CREBBP: variants seen among roughly 807,000 people sequenced by gnomAD.
CREBBP encodes CREB binding lysine acetyltransferase, also known as CREB-binding protein.
A neutral mutation model predicts 265.0 loss-of-function variants in CREBBP; 19 were observed. The observed-to-expected ratio is 0.07, with a 90% CI of 0.05 to 0.11. The LOEUF (loss-of-function observed/expected upper bound fraction) is 0.11, where lower values mean the gene tolerates loss of function less well. Among genes scored for constraint, CREBBP ranks in the 10% least tolerant of loss-of-function variants. The probability of loss-of-function intolerance (pLI) is 1.00; values close to 1 mark genes in which losing one functional copy is unlikely to be tolerated. For synonymous variants in CREBBP, 1,457 were observed against 1,223.7 expected (o/e 1.19, Z -3.98); for missense variants, 2,525 against 3,219.0 (o/e 0.78, Z 5.22).
chr16:3,768,168 T>TTTTC (rs2052910821), intron 15 of CREBBP, among the ~76,000 whole-genome samples: 1 of 136,738 alleles, frequency 7.3e-6, no homozygotes, highest in East Asian at 2.2e-4. Context: ...TTTTTTTTTT[T>TTTTC]TGAGACAGAG....
intron 16 of CREBBP, chr16:3,767,482 C>A: frequency 1.7e-6 from 1 of 599,918 alleles, no homozygotes; most frequent in Non-Finnish European, 2.9e-6. Context: ...GCTCTGCAGC[C>A]TGGGTGCCCT....
intron 3 of CREBBP, among the ~76,000 whole-genome samples, chr16:3,799,616 C>G (rs2053673679): frequency 6.6e-6 from 1 of 152,182 alleles, no homozygotes; most frequent in Non-Finnish European, 1.5e-5. Context: ...AAAGATAATG[C>G]ATCACATTCT....
At chr16:3,840,136 C>A (rs2054538499) in intron 2 of CREBBP, among the ~76,000 whole-genome samples, 1 of 152,076 alleles carries the variant, frequency 6.6e-6, no homozygotes, top group East Asian at 1.9e-4. Flanking sequence ...TTTTAAGAGG[C>A]CAAATTAAGA....
chr16:3,839,455 C>A (rs1043784616), intron 2 of CREBBP, among the ~76,000 whole-genome samples: 2 of 151,770 alleles, frequency 1.3e-5, no homozygotes, highest in Non-Finnish European at 2.9e-5. Context: ...CTGAGGCAGG[C>A]GGATCACCTG....
intron 16 of CREBBP, among the ~76,000 whole-genome samples, chr16:3,762,239 C>T (rs985658740): frequency 2.0e-5 from 3 of 152,212 alleles, no homozygotes; most frequent in African/African-American, 7.2e-5. Flanking sequence ...CCTGCAGACC[C>T]TGTCACCGCC....
At chr16:3,805,139 T>C (rs2053802899) in intron 3 of CREBBP, among the ~76,000 whole-genome samples, 1 of 152,232 alleles carries the variant, frequency 6.6e-6, no homozygotes, top group East Asian at 1.9e-4. Flanking sequence ...TTAGCGGCAT[T>C]TGAAGGCCCT....
At chr16:3,748,585 G>C (rs1023864207) in intron 21 of CREBBP, among the ~76,000 whole-genome samples, 1 of 152,242 alleles carries the variant, frequency 6.6e-6, no homozygotes, top group African/African-American at 2.4e-5. Flanking sequence ...CTTCCCTGGA[G>C]AGGGTCAGGA....
At chr16:3,771,737 TG>T (rs973050260) in intron 13 of CREBBP, among the ~76,000 whole-genome samples, 13 of 151,112 alleles carry the variant, frequency 8.6e-5, no homozygotes, top group African/African-American at 2.9e-4. Context: ...TTCACATCCC[TG>T]GGGGCACAGA....
At chr16:3,732,017 G>A in intron 28 of CREBBP, 80 bp from the exon 29 acceptor site, 1 of 1,610,572 alleles carries the variant, frequency 6.2e-7, no homozygotes, top group Non-Finnish European at 8.5e-7. Context: ...CAGGCCGTGG[G>A]CATCAGGAAG....
At chr16:3,795,878 C>T (rs1339371985) in intron 3 of CREBBP, among the ~76,000 whole-genome samples, 9 of 152,172 alleles carry the variant, frequency 5.9e-5, no homozygotes, top group Admixed American at 5.2e-4. Context: ...ATCATCCTTA[C>T]ACCTAAGAAA....
intron 2 of CREBBP, chr16:3,840,428 G>C (rs2054543861): frequency 6.6e-6 from 1 of 152,414 alleles, no homozygotes; most frequent in Non-Finnish European, 1.5e-5. Context: ...GGGTTTTCAG[G>C]CTCTTTCTGG....
At chr16:3,869,571 C>G (rs2055250226) in intron 1 of CREBBP, among the ~76,000 whole-genome samples, 1 of 152,194 alleles carries the variant, frequency 6.6e-6, no homozygotes, top group African/African-American at 2.4e-5. Context: ...TAGTGACTAA[C>G]TACATGTGGC....
chr16:3,854,397 A>T (rs566164110), intron 1 of CREBBP, among the ~76,000 whole-genome samples: 1 of 152,310 alleles, frequency 6.6e-6, no homozygotes, highest in South Asian at 2.1e-4. Flanking sequence ...CCAAAAACAT[A>T]AACACCTGGG....
rs776898396 is a variant in CREBBP, at chr16:3,774,671, C to T, written c.2181G>A (p.Met727Ile). 4.3e-6 allele frequency: 7 copies of T among 1,614,156 alleles called. 1 individual carries two copies. In the South Asian group the frequency reaches 7.7e-5, roughly 18 times the overall value. Residue 727 changes from methionine (M) to isoleucine (I), a missense_variant, in exon 12 of 31, where the codon ATG (methionine) becomes ATA (isoleucine). By Grantham distance (10) the Met-to-Ile change is conservative (BLOSUM62 1). Transcript: ENST00000262367. The part of the protein sequence containing the change: ...VSQGMNSFNP[M>I]SLGNVQLPQA... The stretch of plus-strand genomic sequence containing the variant: ...GTGGCAACTGGACGTTCCCCAAGGA[C>T]ATGGGGTTAAATGAATTCATCCCTG...
At position 3,725,138 on chromosome 16, in the gene CREBBP, T is replaced by C. The variant is rs1288624672; in HGVS notation, c.*2580A>G. The stretch of plus-strand genomic sequence containing the variant: ...TCTTTTTGATCACAAATATAGGACT[T>C]TTTCTTCTCCTCTTAAGTATACAGC... On this transcript the variant is annotated 3_prime_UTR_variant, in exon 31 of 31. Coordinates refer to ENST00000262367, the MANE Select transcript of CREBBP (RefSeq NM_004380.3). The C allele has an allele frequency of 4.7e-5, 11 of 233,428 alleles. No homozygotes were observed. The East Asian group carries it at 6.6e-4, about 14-fold the overall frequency. 14.5% of individuals were successfully genotyped at this position (233,428 alleles called of 1,614,324 possible). A position where few individuals can be genotyped will look rare whatever the true frequency, so the allele number is the denominator to read the frequency against.
In CREBBP at chr16:3,850,359, C is replaced by G. The variant is rs1212904361; in HGVS notation, c.736G>C (p.Val246Leu). The change falls in exon 2 of 31, where the codon GTT becomes CTT. Residue 246 changes from valine (V) to leucine (L), a missense_variant. By Grantham distance (32) the Val-to-Leu change is conservative. This residue lies in a region of CREBBP where 356 missense variants were observed against 340.4 expected (regional missense o/e 1.05). Transcript: ENST00000262367. Reference protein sequence around the residue: ...SSVLAETLTQVSPQMTGHAGL... With the variant: ...SSVLAETLTQLSPQMTGHAGL... ...GCGTGACCAGTCATTTGCGGGGAAACCTGCGTTAGGGTCTCAGCCAGCACG... is the reference window on the plus strand; with the variant it reads ...GCGTGACCAGTCATTTGCGGGGAAAGCTGCGTTAGGGTCTCAGCCAGCACG... The G allele has an allele frequency of 5.6e-6, 9 of 1,614,200 alleles. No homozygotes were observed. The highest frequency in any genetic ancestry group is 7.6e-6 in the Non-Finnish European group (9 of 1,180,044).
At chr16:3,859,231 C>T (rs574236696) in intron 1 of CREBBP, among the ~76,000 whole-genome samples, 9 of 151,154 alleles carry the variant, frequency 6.0e-5, no homozygotes, top group Middle Eastern at 3.2e-3. Flanking sequence ...TTGGCTCTGT[C>T]GCCTAGGCTA....
At chr16:3,767,613 AG>A in intron 16 of CREBBP, 106 bp downstream of exon 16, 2 of 1,464,636 alleles carry the variant, frequency 1.4e-6, no homozygotes, top group East Asian at 4.5e-5. Flanking sequence ...GAAAGGTAAA[AG>A]GGCAGATAGA....
chr16:3,738,329 A>AG (rs1491123235), intron 26 of CREBBP, among the ~76,000 whole-genome samples: 2 of 150,870 alleles, frequency 1.3e-5, no homozygotes, highest in African/African-American at 4.9e-5. Flanking sequence ...AAAAAAAAAA[A>AG]GGGAATGAAA....
Sources: gnomAD v4.1 joint callset for allele counts (sites outside exome capture counted in the v4.1 genomes callset) on GRCh38, gnomAD v4.1.1 for gene constraint, gnomAD v4.1.1 regional missense constraint, MANE v1.5 for transcripts, NCBI Gene and HGNC (gene_info 2026-07-23, HGNC 2026-07-21) for gene names.